TNRC18: variants seen among roughly 807,000 people sequenced by gnomAD.
The protein encoded by TNRC18 is trinucleotide repeat-containing gene 18 protein.
In TNRC18, 69 loss-of-function variants were observed where a neutral mutation model predicts 226.7. The observed-to-expected ratio is 0.30, with a 90% CI of 0.25 to 0.37. The LOEUF (loss-of-function observed/expected upper bound fraction) is 0.37, where lower values mean the gene tolerates loss of function less well. Ranked by LOEUF, TNRC18 falls within the 10% of genes least tolerant of loss-of-function variation. TNRC18 has a pLI of 1.00. For synonymous variants in TNRC18, 2,449 were observed against 1,927.6 expected, an observed-to-expected ratio of 1.27 and a Z score of -7.09; for missense variants, 4,754 against 4,256.6, an observed-to-expected ratio of 1.12 and a Z score of -3.25.
chr7:5,329,682 CAAAAAAAAAA>C (rs10628315), intron 19 of TNRC18, among the ~76,000 whole-genome samples: 7 of 45,758 alleles, frequency 1.5e-4, no homozygotes, highest in Non-Finnish European at 2.5e-4. Flanking sequence ...GACTCCGTCT[CAAAAAAAAAA>C]AAAAAAAAAA....
chr7:5,365,223 T>C (rs1198052380), intron 11 of TNRC18, among the ~76,000 whole-genome samples: 6 of 152,310 alleles, frequency 3.9e-5, no homozygotes, highest in Non-Finnish European at 8.8e-5. Context: ...GCAATCACCC[T>C]GCCTCAGCCT....
chr7:5,331,653 G>A (rs1397203744), intron 19 of TNRC18, among the ~76,000 whole-genome samples: 5 of 152,328 alleles, frequency 3.3e-5, no homozygotes, highest in South Asian at 2.1e-4. Context: ...CGGGTGCAGT[G>A]GCTCACGCCT....
chr7:5,349,022 C>T (rs2128143077), intron 17 of TNRC18, among the ~76,000 whole-genome samples: 1 of 152,270 alleles, frequency 6.6e-6, no homozygotes, highest in African/African-American at 2.4e-5. Flanking sequence ...TCCCTTCTAG[C>T]CACTCAGGTG....
In TNRC18 at chr7:5,313,028, G is replaced by T. The variant is rs138591330; in HGVS notation, c.7863C>A (p.Ser2621=). The change falls in exon 27 of 30, where the codon TCC becomes TCA. Residue 2621 remains serine, a synonymous_variant. Coordinates refer to ENST00000430969, the MANE Select transcript of TNRC18 (RefSeq NM_001080495.3). The part of the protein sequence containing the change: ...SPASSSSSSS[S]SSSSSSSSSS... ...ATGAGGAGGAGGAGGAGGAGGAGGA[G>T]GAGGATGAGGAGGAGGAGGAGGAGG... is the stretch of plus-strand genomic sequence containing the variant. 0.49 allele frequency: 422,330 copies of T among 870,340 alleles called. 103,706 individuals are homozygous for T. The highest frequency in any genetic ancestry group is 0.58 in the Middle Eastern group (1,814 of 3,118). The allele number at this position is 870,340 out of a possible 1,614,324, so 53.9% of individuals were successfully genotyped here. A position where few individuals can be genotyped will look rare whatever the true frequency, so the allele number is the denominator to read the frequency against.
chr7:5,381,342 G>A (rs1387354519), intron 5 of TNRC18, among the ~76,000 whole-genome samples: 3 of 152,020 alleles, frequency 2.0e-5, no homozygotes, highest in Non-Finnish European at 2.9e-5. Flanking sequence ...CCGGCCTCTC[G>A]AGGATGCCCC....
chr7:5,367,617 G>A (rs1482751495), intron 11 of TNRC18, among the ~76,000 whole-genome samples: 1 of 151,416 alleles, frequency 6.6e-6, no homozygotes, highest in Admixed American at 6.6e-5. Flanking sequence ...TAGTAGAGAT[G>A]GGGTTTCACC....
intron 11 of TNRC18, among the ~76,000 whole-genome samples, chr7:5,367,779 T>C (rs1047925348): frequency 2.6e-5 from 4 of 151,880 alleles, no homozygotes; most frequent in Admixed American, 2.0e-4. Context: ...AAAGTTTCTA[T>C]TGAACTATTT....
intron 5 of TNRC18, among the ~76,000 whole-genome samples, chr7:5,384,472 T>C (rs574178736): frequency 2.6e-5 from 4 of 152,036 alleles, no homozygotes; most frequent in Non-Finnish European, 5.9e-5. Context: ...TCCCCAAACA[T>C]CTCATCCCAA....
intron 2 of TNRC18, among the ~76,000 whole-genome samples, chr7:5,409,642 T>G (rs549187970): frequency 7.3e-5 from 11 of 151,634 alleles, no homozygotes; most frequent in Admixed American, 6.6e-4. Context: ...TAAGAAAATA[T>G]TAAGAAAATC....
At chr7:5,382,518 G>A (rs1779468442) in intron 5 of TNRC18, among the ~76,000 whole-genome samples, 1 of 152,158 alleles carries the variant, frequency 6.6e-6, no homozygotes, top group African/African-American at 2.4e-5. Context: ...GTTCCAGATA[G>A]GGTTGCTCTC....
In TNRC18 at chr7:5,370,911, G is replaced by A. The variant is rs1794084982; in HGVS notation, c.3683C>T (p.Pro1228Leu). The A allele has an allele frequency of 6.2e-7, 1 of 1,605,584 alleles. No individual in the cohort carries two copies. Among genetic ancestry groups the A allele is most frequent in the Non-Finnish European group, 8.5e-7 (1 of 1,179,738 alleles). Residue 1228 changes from proline to leucine, a missense_variant, in exon 11 of 30, where the codon CCA becomes CTA. By Grantham distance (98) the Pro-to-Leu change is moderately conservative (BLOSUM62 -3). Transcript: ENST00000430969. ...ECPDFVEGPE[P>L]RVDSPGRTEP... Reference sequence around the variant, plus strand: ...TGTCCGGCCCGGGGAATCCACCCGTGGTTCAGGCCCCTCCACAAAGTCTGG... The same window carrying A: ...TGTCCGGCCCGGGGAATCCACCCGTAGTTCAGGCCCCTCCACAAAGTCTGG...
At chr7:5,395,759 A>G (rs1344465878) in intron 2 of TNRC18, among the ~76,000 whole-genome samples, 1 of 152,246 alleles carries the variant, frequency 6.6e-6, no homozygotes, top group Non-Finnish European at 1.5e-5. Context: ...TGGGAGGCCA[A>G]GGCAGGCGAA....
At position 5,345,813 on chromosome 7, in the gene TNRC18, G is replaced by A. The variant is rs1384504645; in HGVS notation, c.5471-3C>T. 6.5e-7 allele frequency: 1 copy of A among 1,540,608 alleles called. No homozygotes were observed. ...GTCCTCCTCCTCCGAGCTCTCATCT[G>A]GCGTGCAGAAAACAGGGACCGAGTC... On this transcript the variant is annotated splice_region_variant and splice_polypyrimidine_tract_variant and intron_variant, in intron 17 of 29. Coordinates refer to ENST00000430969, the MANE Select transcript of TNRC18 (RefSeq NM_001080495.3).
rs1327899284 is a variant in TNRC18, at chr7:5,364,996, C to A, written c.4220-2171G>T. ...ATGCCAGCAATTTTAAATGGCCAAA[C>A]GTGCAAAGGAGCCTACGCAGAATCA... On this transcript the variant is annotated intron_variant, in intron 11 of 29. Coordinates refer to ENST00000430969, the MANE Select transcript of TNRC18 (RefSeq NM_001080495.3). Among the ~76,000 whole-genome samples the A allele has an allele frequency of 2.7e-5, 4 of 150,784 alleles. No homozygotes were observed. The South Asian group carries it at 8.4e-4, about 32-fold the overall frequency.
In TNRC18 at chr7:5,307,047, C is replaced by T. The variant is rs887958895; in HGVS notation, c.*1059G>A. On this transcript the variant is annotated 3_prime_UTR_variant, in exon 30 of 30. Coordinates refer to ENST00000430969, the MANE Select transcript of TNRC18 (RefSeq NM_001080495.3). ...GGCTTGGGCCGGCTCCTGCCTCTCC[C>T]TCTTCTCTCCCTAACAAACACTTCT... 1.7e-4 allele frequency: 25 copies of T among 147,902 alleles called. No individual in the cohort carries two copies. Among genetic ancestry groups the T allele is most frequent in the African/African-American group, 6.2e-4 (25 of 40,050 alleles). The allele number at this position is 147,902 out of a possible 1,614,324, so 9.2% of individuals were successfully genotyped here. A position where few individuals can be genotyped will look rare whatever the true frequency, so the allele number is the denominator to read the frequency against.
chr7:5,350,777 T>A (rs1464190682), intron 17 of TNRC18, among the ~76,000 whole-genome samples: 1 of 152,162 alleles, frequency 6.6e-6, no homozygotes, highest in East Asian at 1.9e-4. Context: ...AGCTCTCTCT[T>A]GAGAACCGAG....
intron 18 of TNRC18, 122 bp from the exon 19 acceptor site, chr7:5,333,171 G>T: frequency 1.8e-6 from 2 of 1,138,512 alleles, no homozygotes; most frequent in Non-Finnish European, 2.5e-6. Flanking sequence ...GCTTCTGCCC[G>T]TTTCCAGGAG....
At chr7:5,333,841 C>G in intron 18 of TNRC18, among the ~76,000 whole-genome samples, 1 of 152,208 alleles carries the variant, frequency 6.6e-6, no homozygotes, top group East Asian at 1.9e-4. Context: ...GGCCGCACCT[C>G]TGTTGTCACA....
intron 2 of TNRC18, among the ~76,000 whole-genome samples, chr7:5,413,371 T>C (rs1415664615): frequency 6.6e-6 from 1 of 151,806 alleles, no homozygotes. Flanking sequence ...TTCTCCTCCC[T>C]CCTTCCCTCC....
Sources: allele counts gnomAD v4.1 joint callset (sites outside exome capture counted in the v4.1 genomes callset), GRCh38; gene constraint gnomAD v4.1.1; transcripts MANE v1.5; gene names NCBI Gene and HGNC (gene_info 2026-07-23, HGNC 2026-07-21).